Variants in PARS2 observed in about 807,000 individuals in gnomAD.
PARS2 encodes probable proline--tRNA ligase, mitochondrial.
In PARS2, 20 loss-of-function variants were observed where a neutral mutation model predicts 27.4. The observed-to-expected ratio is 0.73, with a 90% CI of 0.51 to 1.06. The LOEUF (loss-of-function observed/expected upper bound fraction) is 1.06. PARS2 is among the 50% of genes least tolerant of loss of function. The pLI is 0.00. For missense variants in PARS2, 585 were observed against 602.1 expected (o/e 0.97, Z 0.30); for synonymous variants, 240 against 247.1 (o/e 0.97, Z 0.27).
Position 54,758,584 on chromosome 1 carries a change from C to A in PARS2, c.578G>T (p.Arg193Met). The change falls in exon 2 of 2, where the codon AGG becomes ATG. Residue 193 changes from arginine (R) to methionine (M), a missense_variant. By Grantham distance (91) the Arg-to-Met change is moderately conservative. Transcript: ENST00000371279. ...GCCACGGAGAAGACCAAAGCGGGGC[C>A]TGGGCTCATCCCGAAACTTCCTTGT... ...QVTRKFRDEP[R>M]PRFGLLRGRE... 3.7e-6 allele frequency: 6 copies of A among 1,614,210 alleles called. No individual in the cohort carries two copies. The highest frequency in any genetic ancestry group is 5.1e-6 in the Non-Finnish European group (6 of 1,180,042).
chr1:54,759,171 G>A lies in PARS2; in HGVS notation c.-10C>T. 6.4e-7 allele frequency: 1 copy of A among 1,563,914 alleles called. No homozygotes were observed. The highest frequency in any genetic ancestry group is 8.7e-7 in the Non-Finnish European group (1 of 1,150,252). ...TCAGCAGCCCTTCCATGACACCCTG[G>A]CACCGGGAAGCACAGGCACCTGAGG... On this transcript the variant is annotated 5_prime_UTR_variant, in exon 2 of 2. Transcript: ENST00000371279.
In PARS2 at chr1:54,757,083, G is replaced by T; in HGVS notation, c.*651C>A. ...CACACACCTCTCATGGAACCCCCTA[G>T]TGACACCTATAAGGACGTTACAGAT... On this transcript the variant is annotated 3_prime_UTR_variant, in exon 2 of 2. Coordinates refer to ENST00000371279, the MANE Select transcript of PARS2 (RefSeq NM_152268.4). 1 of 152,308 alleles carries T rather than the reference G, an allele frequency of 6.6e-6. No homozygotes were observed. 9.4% of individuals were successfully genotyped at this position (152,308 alleles called of 1,614,324 possible). A position where few individuals can be genotyped will look rare whatever the true frequency, so the allele number is the denominator to read the frequency against.
intron 1 of PARS2, among the ~76,000 whole-genome samples, chr1:54,760,230 T>G (rs987536934): frequency 3.3e-5 from 5 of 152,132 alleles, no homozygotes; most frequent in African/African-American, 1.2e-4. Context: ...AATCTCCACC[T>G]GCCTCCTGGA....
chr1:54,758,992 A>T lies in PARS2; in HGVS notation c.170T>A (p.Leu57His), dbSNP rs550294948. The T allele has an allele frequency of 6.2e-7, 1 of 1,614,096 alleles. No homozygotes were observed. The highest frequency in any genetic ancestry group is 2.2e-5 in the East Asian group (1 of 44,868). ...GTCATCAGATTTGTCCTGCAGGGAG[A>T]GCACCCGGTCTTCCCGAAGGTTCTG... ...QPQNLREDRVLSLQDKSDDLT... is the reference protein window; with the variant it reads ...QPQNLREDRVHSLQDKSDDLT... The change falls in exon 2 of 2, where the codon CTC becomes CAC. Residue 57 changes from leucine to histidine, a missense_variant. Leu to His is a moderately conservative substitution (Grantham distance 99). Transcript: ENST00000371279.
In PARS2 at chr1:54,759,127, G is replaced by C; in HGVS notation, c.35C>G (p.Pro12Arg). Residue 12 changes from proline to arginine, a missense_variant, in exon 2 of 2, where the codon CCC becomes CGC. Transcript: ENST00000371279. ...CTGGCGGCTGCAGGTGGCCAGGGCG[G>C]GCAATGCTCTGCATCTTGTCAGCAG... ...EGLLTRCRAL[P>R]ALATCSRQLS... 5 of 1,607,440 alleles carry C rather than the reference G, an allele frequency of 3.1e-6. No individual in the cohort carries two copies. The highest frequency in any genetic ancestry group is 4.3e-6 in the Non-Finnish European group (5 of 1,175,222).
chr1:54,757,771 C>T lies in PARS2; in HGVS notation c.1391G>A (p.Gly464Glu), dbSNP rs972727839. ...CACTGGGGTCAGTAAATCCATGACTCCATCTTTGGTGAGGAAGGCCACCTC... is the reference window on the plus strand; with the variant it reads ...CACTGGGGTCAGTAAATCCATGACTTCATCTTTGGTGAGGAAGGCCACCTC... ...TGEVAFLTKD[G>E]VMDLLTPVQT... The change falls in exon 2 of 2, where the codon GGA becomes GAA. Residue 464 changes from glycine (G) to glutamate (E), a missense_variant. By Grantham distance (98) the Gly-to-Glu change is moderately conservative. Coordinates refer to ENST00000371279, the MANE Select transcript of PARS2 (RefSeq NM_152268.4). The T allele has an allele frequency of 6.2e-7, 1 of 1,613,532 alleles. No individual in the cohort carries two copies. Among genetic ancestry groups the T allele is most frequent in the Non-Finnish European group, 8.5e-7 (1 of 1,179,732 alleles).
intron 1 of PARS2, among the ~76,000 whole-genome samples, 156 bp from the exon 2 acceptor site, chr1:54,759,346 A>G (rs1009597765): frequency 6.6e-6 from 1 of 152,164 alleles, no homozygotes; most frequent in African/African-American, 2.4e-5. Context: ...TCAAAGCACT[A>G]TTTCTCTAAC....
intron 1 of PARS2, among the ~76,000 whole-genome samples, chr1:54,761,285 C>G (rs115162475): frequency 0.012 from 1,855 of 152,294 alleles, 74 homozygotes; most frequent in South Asian, 0.11. Flanking sequence ...GGCTGTCTGT[C>G]TTCTCCCTGA....
rs780372211 is a variant in PARS2, at chr1:54,758,124, C to T, written c.1038G>A (p.Arg346=). The T allele has an allele frequency of 6.2e-7, 1 of 1,614,110 alleles. No homozygotes were observed. The highest frequency in any genetic ancestry group is 1.3e-5 in the African/African-American group (1 of 74,932). Residue 346 remains arginine, a synonymous_variant, in exon 2 of 2, where the codon CGG becomes CGA. Transcript: ENST00000371279. ...EMGCYGLGVT[R]ILAAAIEVLS... is the part of the protein sequence containing the mutation. ...GGACTTCAATGGCAGCAGCCAAGAT[C>T]CGTGTCACACCCAAGCCATAGCACC...
rs956218508 is a variant in PARS2 at position 54,757,179 on chromosome 1, G to T, written c.*555C>A. 1 of 152,364 alleles carries T rather than the reference G, an allele frequency of 6.6e-6. No homozygotes were observed. The highest frequency in any genetic ancestry group is 2.4e-5 in the African/African-American group (1 of 41,434). The allele number at this position is 152,364 out of a possible 1,614,324, so 9.4% of individuals were successfully genotyped here. A position where few individuals can be genotyped will look rare whatever the true frequency, so the allele number is the denominator to read the frequency against. ...GATGGGGAAACTGAGGCCCCAGCAGGGGGAGGGGATGTATCTAAGTCACTA... is the reference window on the plus strand; with the variant it reads ...GATGGGGAAACTGAGGCCCCAGCAGTGGGAGGGGATGTATCTAAGTCACTA... On this transcript the variant is annotated 3_prime_UTR_variant, in exon 2 of 2. Coordinates refer to ENST00000371279, the MANE Select transcript of PARS2 (RefSeq NM_152268.4).
chr1:54,761,552 G>A (rs1646157513), intron 1 of PARS2, among the ~76,000 whole-genome samples: 1 of 152,198 alleles, frequency 6.6e-6, no homozygotes, highest in Admixed American at 6.5e-5. Flanking sequence ...GTTGAAGAAT[G>A]GAATTACTGA....
At chr1:54,760,676 A>C (rs952110911) in intron 1 of PARS2, among the ~76,000 whole-genome samples, 1 of 152,160 alleles carries the variant, frequency 6.6e-6, no homozygotes, top group African/African-American at 2.4e-5. Context: ...CCTTAGAATA[A>C]GGTCTAAGCT....
chr1:54,762,415 C>T (rs1037437892), intron 1 of PARS2, among the ~76,000 whole-genome samples: 1 of 152,174 alleles, frequency 6.6e-6, no homozygotes, highest in Non-Finnish European at 1.5e-5. Flanking sequence ...GCTGGGATTA[C>T]AGGCGTGAGC....
intron 1 of PARS2, among the ~76,000 whole-genome samples, chr1:54,759,826 C>T (rs111506692): frequency 0.01 from 1,577 of 151,936 alleles, 15 homozygotes; most frequent in Non-Finnish European, 0.017. Flanking sequence ...ACCAACATGG[C>T]GAAACCCTGT....
Position 54,758,893 on chromosome 1 carries a change from A to T in PARS2, c.269T>A (p.Leu90His). The stretch of plus-strand genomic sequence containing the variant: ...CATGGCACGGACGGTATATGGCAGG[A>T]GGTGGTAACAGCCGGGGCTTGCTGG... ...IYPASPGCYH[L>H]LPYTVRAMEK... The change falls in exon 2 of 2, where the codon CTC (leucine) becomes CAC (histidine). Residue 90 changes from leucine (L) to histidine (H), a missense_variant. Coordinates refer to ENST00000371279, the MANE Select transcript of PARS2 (RefSeq NM_152268.4). 1 of 1,614,166 alleles carries T rather than the reference A, an allele frequency of 6.2e-7. No homozygotes were observed. Among genetic ancestry groups the T allele is most frequent in the Non-Finnish European group, 8.5e-7 (1 of 1,180,032 alleles).
rs753705517 is a variant in PARS2, at chr1:54,758,350, G to T, written c.812C>A (p.Ala271Asp). Residue 271 changes from alanine (A) to aspartate (D), a missense_variant, in exon 2 of 2, where the codon GCC (alanine) becomes GAC (aspartate). Transcript: ENST00000371279. ...LPVDIGEDRL[A>D]ICPRCSFSAN... ...TGAGAAGCTGCAGCGGGGACAGATGGCAAGCCGGTCCTCTCCAATATCCAC... is the reference window on the plus strand; with the variant it reads ...TGAGAAGCTGCAGCGGGGACAGATGTCAAGCCGGTCCTCTCCAATATCCAC... The T allele has an allele frequency of 6.2e-7, 1 of 1,614,182 alleles. No homozygotes were observed. The highest frequency in any genetic ancestry group is 1.1e-5 in the South Asian group (1 of 91,086).
Position 54,758,148 on chromosome 1 carries a change from C to A in PARS2, c.1014G>T (p.Gly338=). ...TCCGTGTCACACCCAAGCCATAGCA[C>A]CCCATTTCAGCCAGGGTTGGTTTGC... ...VCGKPTLAEM[G]CYGLGVTRIL... Residue 338 remains glycine (G), a synonymous_variant, in exon 2 of 2, where the codon GGG becomes GGT. Coordinates refer to ENST00000371279, the MANE Select transcript of PARS2 (RefSeq NM_152268.4). 2 of 1,614,222 alleles carry A rather than the reference C, an allele frequency of 1.2e-6. No individual in the cohort carries two copies. The highest frequency in any genetic ancestry group is 2.2e-5 in the South Asian group (2 of 91,082).
rs975215232 is a variant in PARS2, at chr1:54,758,186, T to C, written c.976A>G (p.Thr326Ala). Reference sequence around the variant, plus strand: ...AGGGTTGGTTTGCCACAGACATTGGTAAACTGGGCATTGAAAATGGATGAG... The same window carrying C: ...AGGGTTGGTTTGCCACAGACATTGGCAAACTGGGCATTGAAAATGGATGAG... ...KYSSIFNAQFTNVCGKPTLAE... is the reference protein window; with the variant it reads ...KYSSIFNAQFANVCGKPTLAE... Residue 326 changes from threonine to alanine, a missense_variant, in exon 2 of 2, where the codon ACC (threonine) becomes GCC (alanine). Thr to Ala is a moderately conservative substitution (Grantham distance 58). Transcript: ENST00000371279. 1.2e-5 allele frequency: 20 copies of C among 1,614,108 alleles called. No individual in the cohort carries two copies. Among genetic ancestry groups the C allele is most frequent in the Middle Eastern group, 1.6e-4 (1 of 6,084 alleles).
In PARS2 at chr1:54,758,491, C is replaced by T. The variant is rs2101407241; in HGVS notation, c.671G>A (p.Ser224Asn). 6.2e-7 allele frequency: 1 copy of T among 1,614,162 alleles called. No individual in the cohort carries two copies. Residue 224 changes from serine to asparagine, a missense_variant, in exon 2 of 2, where the codon AGC (serine) becomes AAC (asparagine). Coordinates refer to ENST00000371279, the MANE Select transcript of PARS2 (RefSeq NM_152268.4). ...GCTGCAGTAGGCATCACACACCAGGCTGTAGGTCTGCTGGGCAGCCTCTGG... is the reference window on the plus strand; with the variant it reads ...GCTGCAGTAGGCATCACACACCAGGTTGTAGGTCTGCTGGGCAGCCTCTGG... ...SSPEAAQQTYSLVCDAYCSLF... is the reference protein window; with the variant it reads ...SSPEAAQQTYNLVCDAYCSLF...
Sources: gnomAD v4.1 joint callset for allele counts (sites outside exome capture counted in the v4.1 genomes callset) on GRCh38, gnomAD v4.1.1 for gene constraint, MANE v1.5 for transcripts, NCBI Gene and HGNC (gene_info 2026-07-23, HGNC 2026-07-21) for gene names.